The following HEPHL1 variants were observed in gnomAD, a reference collection of about 807,000 sequenced individuals.
HEPHL1 encodes hephaestin like 1.
Under a neutral mutation model 122.0 loss-of-function variants are expected in HEPHL1, and 123 were observed. That is an observed-to-expected ratio of 1.01 (90% CI 0.87 to 1.17). HEPHL1 has a LOEUF of 1.17. HEPHL1 is among the 50% of genes most tolerant of loss of function. HEPHL1 has a pLI of 0.00. For missense variants in HEPHL1, 1,452 were observed against 1,430.5 expected (o/e 1.01, Z -0.24); for synonymous variants, 527 against 508.9 (o/e 1.04, Z -0.48).
At position 94,112,384 on chromosome 11, in the gene HEPHL1, T is replaced by C. The variant is rs1946457746; in HGVS notation, c.*490T>C. The C allele has an allele frequency of 6.6e-6, 1 of 152,352 alleles. No homozygotes were observed. Among genetic ancestry groups the C allele is most frequent in the Non-Finnish European group, 1.5e-5 (1 of 68,132 alleles). The allele number at this position is 152,352 out of a possible 1,614,324, so 9.4% of individuals were successfully genotyped here. Reference sequence around the variant, plus strand: ...TGGAAAATATCTTTCTTAGGAGTTCTTGGCAATGTCTAAGTCAGTGTCTGC... The same window carrying C: ...TGGAAAATATCTTTCTTAGGAGTTCCTGGCAATGTCTAAGTCAGTGTCTGC... On this transcript the variant is annotated 3_prime_UTR_variant, in exon 20 of 20. Coordinates refer to ENST00000315765, the MANE Select transcript of HEPHL1 (RefSeq NM_001098672.2).
chr11:94,083,740 G>A (rs1946192715), intron 10 of HEPHL1, among the ~76,000 whole-genome samples: 1 of 147,244 alleles, frequency 6.8e-6, no homozygotes, highest in Admixed American at 6.9e-5. Flanking sequence ...GTCCCCTCTT[G>A]TGCCAATGGA....
At chr11:94,093,072 A>C (rs1946273864) in intron 12 of HEPHL1, among the ~76,000 whole-genome samples, 1 of 150,766 alleles carries the variant, frequency 6.6e-6, no homozygotes, top group South Asian at 2.1e-4. Flanking sequence ...AATCTGGAGA[A>C]ACTCAGGGTG....
intron 9 of HEPHL1, among the ~76,000 whole-genome samples, chr11:94,081,678 T>C (rs1444380956): frequency 6.6e-6 from 1 of 152,176 alleles, no homozygotes; most frequent in Non-Finnish European, 1.5e-5. Context: ...AATGTATACT[T>C]GATGCCTGCT....
intron 1 of HEPHL1, among the ~76,000 whole-genome samples, chr11:94,022,424 T>C (rs1945589675): frequency 6.6e-6 from 1 of 152,252 alleles, no homozygotes. Flanking sequence ...TCTGCATCCA[T>C]GTTCCATTTC....
At chr11:94,048,603 C>T (rs1372367605) in intron 2 of HEPHL1, among the ~76,000 whole-genome samples, 1 of 152,050 alleles carries the variant, frequency 6.6e-6, no homozygotes, top group Admixed American at 6.6e-5. Flanking sequence ...CTCAAGCAGT[C>T]CTCCTTCCTT....
intron 13 of HEPHL1, 144 bp from the exon 14 acceptor site, chr11:94,101,051 A>G (rs545001886): frequency 1.3e-5 from 10 of 775,128 alleles, no homozygotes; most frequent in African/African-American, 3.5e-5. Flanking sequence ...GTTGCTCTCT[A>G]AAGTGGAGTA....
chr11:94,080,207 A>G (rs1946159366), intron 9 of HEPHL1, among the ~76,000 whole-genome samples: 1 of 152,216 alleles, frequency 6.6e-6, no homozygotes, highest in Non-Finnish European at 1.5e-5. Context: ...AGGATTCCCT[A>G]TTTAATAAGT....
At chr11:94,037,625 A>G (rs11020635) in intron 1 of HEPHL1, among the ~76,000 whole-genome samples, 86,892 of 151,840 alleles carry the variant, frequency 0.57, 25,201 homozygotes, top group African/African-American at 0.63. Context: ...CACCTCACAC[A>G]GCAGGGTATT....
chr11:94,111,640 C>T (rs1946450976), intron 19 of HEPHL1, 35 bp downstream of exon 19: 1 of 1,609,240 alleles, frequency 6.2e-7, no homozygotes, highest in Non-Finnish European at 8.5e-7. Context: ...AATGAGTCAA[C>T]ATTTCACCCC....
At chr11:94,042,828 A>G (rs1476368043) in intron 1 of HEPHL1, among the ~76,000 whole-genome samples, 1 of 142,104 alleles carries the variant, frequency 7.0e-6, no homozygotes, top group African/African-American at 2.6e-5. Flanking sequence ...ATACATATGT[A>G]ACTAACCTGC....
intron 1 of HEPHL1, among the ~76,000 whole-genome samples, chr11:94,032,001 G>A (rs954027671): frequency 3.9e-5 from 6 of 152,120 alleles, no homozygotes; most frequent in Non-Finnish European, 7.4e-5. Context: ...ATAGATTTTT[G>A]TGGCCACCTG....
At chr11:94,102,866 T>C in intron 14 of HEPHL1, 48 bp from the exon 15 acceptor site, 1 of 946,556 alleles carries the variant, frequency 1.1e-6, no homozygotes, top group Non-Finnish European at 1.7e-6. Context: ...ATAAATCATC[T>C]GAAACACAGA....
intron 2 of HEPHL1, among the ~76,000 whole-genome samples, chr11:94,057,550 G>A (rs1465012870): frequency 6.6e-6 from 1 of 151,880 alleles, no homozygotes; most frequent in African/African-American, 2.4e-5. Flanking sequence ...ATATTGTTGA[G>A]CTCCTCTAGT....
intron 2 of HEPHL1, among the ~76,000 whole-genome samples, chr11:94,056,759 T>C (rs1158067687): frequency 6.6e-6 from 1 of 152,092 alleles, no homozygotes; most frequent in African/African-American, 2.4e-5. Flanking sequence ...TACTTGGTGC[T>C]TTATATTACT....
chr11:94,103,005 A>G lies in HEPHL1; in HGVS notation c.2667A>G (p.Thr889=). ...GTATTCCATGGGTTTACTATTCAAC[A>G]GTAAACTTTGTGAAGGTAAGGTGGA... The part of the protein sequence containing the change: ...PNCIPWVYYS[T]VNFVKDTYSG... The change falls in exon 15 of 20, where the codon ACA becomes ACG. Residue 889 remains threonine, a synonymous_variant. Transcript: ENST00000315765. 2 of 1,598,520 alleles carry G rather than the reference A, an allele frequency of 1.3e-6. No individual in the cohort carries two copies. The highest frequency in any genetic ancestry group is 1.1e-5 in the South Asian group (1 of 90,726).
At chr11:94,090,837 A>G (rs903817603) in intron 12 of HEPHL1, among the ~76,000 whole-genome samples, 4 of 152,096 alleles carry the variant, frequency 2.6e-5, no homozygotes, top group South Asian at 2.1e-4. Context: ...GACATTTATT[A>G]TCCTGGTCAG....
At chr11:94,093,372 TC>T (rs1038717410) in intron 12 of HEPHL1, 128 bp from the exon 13 acceptor site, 34 of 995,806 alleles carry the variant, frequency 3.4e-5, no homozygotes, top group Non-Finnish European at 5.1e-5. Flanking sequence ...AAAGGCCTGC[TC>T]CCCAGGGAGC....
At chr11:94,051,334 TAA>T (rs1276542926) in intron 2 of HEPHL1, among the ~76,000 whole-genome samples, 1 of 152,170 alleles carries the variant, frequency 6.6e-6, no homozygotes, top group African/African-American at 2.4e-5. Context: ...GTCTGTTGAA[TAA>T]AAGTCATTTT....
chr11:94,057,175 A>G (rs1022703268), intron 2 of HEPHL1, among the ~76,000 whole-genome samples: 1 of 152,068 alleles, frequency 6.6e-6, no homozygotes, highest in Non-Finnish European at 1.5e-5. Context: ...TCTGATTTCA[A>G]TATTATCTTT....
Sources: gnomAD v4.1 joint callset for allele counts (sites outside exome capture counted in the v4.1 genomes callset) on GRCh38, gnomAD v4.1.1 for gene constraint, MANE v1.5 for transcripts, NCBI Gene and HGNC (gene_info 2026-07-23, HGNC 2026-07-21) for gene names.